Variants in TENT4B observed in about 807,000 individuals in gnomAD.
TENT4B encodes PAP associated domain containing 5.
A neutral mutation model predicts 75.0 loss-of-function variants in TENT4B; 10 were observed. That is an observed-to-expected ratio of 0.13 (90% CI 0.08 to 0.23). The LOEUF (loss-of-function observed/expected upper bound fraction) is 0.23, where lower values mean the gene tolerates loss of function less well. Ranked by LOEUF, TENT4B falls within the 10% of genes least tolerant of loss-of-function variation. The pLI, the probability that TENT4B is intolerant of heterozygous loss-of-function variation, is 1.00. For missense variants in TENT4B, 579 were observed against 893.8 expected, an observed-to-expected ratio of 0.65 and a Z score of 4.49; for synonymous variants, 350 against 357.7, an observed-to-expected ratio of 0.98 and a Z score of 0.24.
In TENT4B at chr16:50,233,844, A is replaced by G; in HGVS notation, c.*4516A>G. ...CCTTTGGTTATTACACATTTGTGGT[A>G]GCTCCTGGATTTACTGAGAGATATT... On this transcript the variant is annotated 3_prime_UTR_variant, in exon 12 of 12. Coordinates refer to ENST00000561678, the MANE Select transcript of TENT4B (RefSeq NM_001365324.3). 2.0e-6 allele frequency: 2 copies of G among 985,448 alleles called. No individual in the cohort carries two copies. Among genetic ancestry groups the G allele is most frequent in the Non-Finnish European group, 2.4e-6 (2 of 829,932 alleles). The allele number at this position is 985,448 out of a possible 1,614,324, so 61.0% of individuals were successfully genotyped here. A position where few individuals can be genotyped will look rare whatever the true frequency, so the allele number is the denominator to read the frequency against.
At chr16:50,200,403 G>A (rs1285169654) in intron 1 of TENT4B, among the ~76,000 whole-genome samples, 1 of 151,632 alleles carries the variant, frequency 6.6e-6, no homozygotes. Context: ...ATGAGTCAGA[G>A]GGTAAGGAAG....
At chr16:50,183,827 C>A (rs1567489705) in intron 1 of TENT4B, among the ~76,000 whole-genome samples, 1 of 151,884 alleles carries the variant, frequency 6.6e-6, no homozygotes, top group Non-Finnish European at 1.5e-5. Flanking sequence ...GGCAGATCAC[C>A]TGAGGTCAGG....
chr16:50,154,298 C>T, intron 1 of TENT4B, 39 bp downstream of exon 1: 1 of 1,383,348 alleles, frequency 7.2e-7, no homozygotes, highest in Non-Finnish European at 9.3e-7. Context: ...CTGGCCGGTG[C>T]GAATGCGCAG....
intron 1 of TENT4B, among the ~76,000 whole-genome samples, chr16:50,170,383 A>G (rs995330666): frequency 6.6e-6 from 1 of 152,204 alleles, no homozygotes. Context: ...CATAACCCAT[A>G]CAGCCTTCCT....
chr16:50,217,024 A>C (rs978362297), intron 4 of TENT4B, among the ~76,000 whole-genome samples: 5 of 152,210 alleles, frequency 3.3e-5, no homozygotes, highest in Non-Finnish European at 5.9e-5. Flanking sequence ...ACACCTTAAG[A>C]ATCCAGCAAT....
At chr16:50,206,211 G>A (rs6500299) in intron 1 of TENT4B, among the ~76,000 whole-genome samples, 152,304 of 152,310 alleles carry the variant, frequency 1, 76,149 homozygotes, top group Non-Finnish European at 1. Flanking sequence ...AATTATTTGT[G>A]TAAACATTAT....
In TENT4B at chr16:50,233,661, A is replaced by G; in HGVS notation, c.*4333A>G. 1.0e-6 allele frequency: 1 copy of G among 982,182 alleles called. No homozygotes were observed. Among genetic ancestry groups the G allele is most frequent in the Non-Finnish European group, 1.2e-6 (1 of 828,320 alleles). The allele number at this position is 982,182 out of a possible 1,614,324, so 60.8% of individuals were successfully genotyped here. On this transcript the variant is annotated 3_prime_UTR_variant, in exon 12 of 12. Coordinates refer to ENST00000561678, the MANE Select transcript of TENT4B (RefSeq NM_001365324.3). ...TTTAGTTAATAAACTGCTAATGTTT[A>G]TTTTACTGTCTCTCAGGTTTTTGGT...
At position 50,207,478 on chromosome 16, in the gene TENT4B, C is replaced by T. The variant is rs188327596; in HGVS notation, c.639-3845C>T. Among the ~76,000 whole-genome samples, 81 of 152,142 alleles carry T rather than the reference C, an allele frequency of 5.3e-4. 2 individuals are homozygous for T. Among genetic ancestry groups the T allele is most frequent in the Middle Eastern group, 3.4e-3 (1 of 294 alleles). The stretch of plus-strand genomic sequence containing the variant: ...GGTTACAGGCGTGAGCCACTGTGCC[C>T]GAGCCACTTTTCCTTTTAACATAAA... On this transcript the variant is annotated intron_variant, in intron 1 of 11. Coordinates refer to ENST00000561678, the MANE Select transcript of TENT4B (RefSeq NM_001365324.3).
Position 50,214,211 on chromosome 16 carries a change from T to C in TENT4B, c.763-10T>C. 6.4e-7 allele frequency: 1 copy of C among 1,565,524 alleles called. No homozygotes were observed. Among genetic ancestry groups the C allele is most frequent in the Non-Finnish European group, 8.8e-7 (1 of 1,141,398 alleles). On this transcript the variant is annotated splice_polypyrimidine_tract_variant and intron_variant, in intron 2 of 11. Coordinates refer to ENST00000561678, the MANE Select transcript of TENT4B (RefSeq NM_001365324.3). ...ACTCAATATAATAACAACTTCTTTT[T>C]CTGTTTCAGGTCCAGATATTTGGAA...
chr16:50,224,957 G>A lies in TENT4B; in HGVS notation c.1575G>A (p.Gln525=). 1 of 1,613,914 alleles carries A rather than the reference G, an allele frequency of 6.2e-7. No homozygotes were observed. Among genetic ancestry groups the A allele is most frequent in the Non-Finnish European group, 8.5e-7 (1 of 1,179,838 alleles). ...CATATAGAGATTGGATATCAAAGCA[G>A]TGGGGCTTGAAGAATAGACCTGAGC... ...VATYRDWISK[Q]WGLKNRPEPS... Residue 525 remains glutamine (Q), a synonymous_variant, in exon 9 of 12, where the codon CAG becomes CAA. Coordinates refer to ENST00000561678, the MANE Select transcript of TENT4B (RefSeq NM_001365324.3).
At chr16:50,228,197 T>C (rs1314862247) in intron 11 of TENT4B, among the ~76,000 whole-genome samples, 194 bp downstream of exon 11, 3 of 152,206 alleles carry the variant, frequency 2.0e-5, no homozygotes, top group Admixed American at 6.5e-5. Flanking sequence ...TGAGACACCA[T>C]TGTAACATAA....
intron 3 of TENT4B, 135 bp from the exon 4 acceptor site, chr16:50,215,940 C>T: frequency 9.7e-7 from 1 of 1,028,712 alleles, no homozygotes; most frequent in Admixed American, 2.3e-5. Context: ...ACCATTATCA[C>T]CAACACATTT....
At chr16:50,209,819 G>T (rs1210358569) in intron 1 of TENT4B, among the ~76,000 whole-genome samples, 8 of 152,206 alleles carry the variant, frequency 5.3e-5, no homozygotes. Context: ...AGGAACTATG[G>T]ATTGCTTAAT....
rs1159886679 is a variant in TENT4B at position 50,229,202 on chromosome 16, A to C, written c.2016A>C (p.Thr672=). The part of the protein sequence containing the change: ...FRSSSKGFQG[T]TQTSHGSLMT... ...CTTCCAGCAAAGGCTTCCAAGGTAC[A>C]ACTCAAACAAGCCATGGTTCCTTGA... Residue 672 remains threonine (T), a synonymous_variant, in exon 12 of 12, where the codon ACA becomes ACC. Transcript: ENST00000561678. The C allele has an allele frequency of 6.2e-7, 1 of 1,614,000 alleles. No individual in the cohort carries two copies. The highest frequency in any genetic ancestry group is 1.1e-5 in the South Asian group (1 of 91,074).
rs879652252 is a variant in TENT4B at position 50,233,685 on chromosome 16, G to T, written c.*4357G>T. 316 of 937,464 alleles carry T rather than the reference G, an allele frequency of 3.4e-4. No individual in the cohort carries two copies. Among genetic ancestry groups the T allele is most frequent in the South Asian group, 4.2e-4 (8 of 19,034 alleles). The allele number at this position is 937,464 out of a possible 1,614,324, so 58.1% of individuals were successfully genotyped here. A position where few individuals can be genotyped will look rare whatever the true frequency, so the allele number is the denominator to read the frequency against. ...TATTTTACTGTCTCTCAGGTTTTTG[G>T]TTTTTTTAAAAAAAATGTGTTTGGC... On this transcript the variant is annotated 3_prime_UTR_variant, in exon 12 of 12. Transcript: ENST00000561678.
rs2032266416 is a variant in TENT4B at position 50,230,741 on chromosome 16, A to G, written c.*1413A>G. 7.1e-6 allele frequency: 7 copies of G among 985,782 alleles called. No individual in the cohort carries two copies. The highest frequency in any genetic ancestry group is 7.2e-6 in the Non-Finnish European group (6 of 829,896). The allele number at this position is 985,782 out of a possible 1,614,324, so 61.1% of individuals were successfully genotyped here. ...TGTAGTCAGCTTTGAGTGCAATGAG[A>G]TGTATAATTCTGTTATCATTACCTG... On this transcript the variant is annotated 3_prime_UTR_variant, in exon 12 of 12. Transcript: ENST00000561678.
intron 1 of TENT4B, among the ~76,000 whole-genome samples, chr16:50,195,844 A>G (rs1476934639): frequency 6.6e-6 from 1 of 152,218 alleles, no homozygotes; most frequent in Non-Finnish European, 1.5e-5. Context: ...CATAGGTCTT[A>G]AAGATCTTAT....
chr16:50,180,897 A>C (rs1361869137), intron 1 of TENT4B, among the ~76,000 whole-genome samples: 5 of 152,184 alleles, frequency 3.3e-5, no homozygotes, highest in Non-Finnish European at 1.5e-5. Context: ...GGAAGTCCTC[A>C]AACTTCCAAA....
intron 1 of TENT4B, among the ~76,000 whole-genome samples, chr16:50,178,720 T>C (rs1446058458): frequency 1.3e-5 from 2 of 152,160 alleles, no homozygotes; most frequent in East Asian, 1.9e-4. Flanking sequence ...AAATATTGCA[T>C]GATTGCACTT....
Sources: allele counts gnomAD v4.1 joint callset (sites outside exome capture counted in the v4.1 genomes callset), GRCh38; gene constraint gnomAD v4.1.1; transcripts MANE v1.5; gene names NCBI Gene and HGNC (gene_info 2026-07-23, HGNC 2026-07-21).